Variants in PCDH9 observed in about 807,000 individuals in gnomAD.
PCDH9 encodes protocadherin 9, also known as protocadherin-9.
Under a neutral mutation model 70.6 loss-of-function variants are expected in PCDH9, and 24 were observed. The ratio of observed to expected loss-of-function variants is 0.34; its 90% CI spans 0.25 to 0.48. PCDH9 has a LOEUF of 0.48. Ranked by LOEUF, PCDH9 falls within the 20% of genes least tolerant of loss-of-function variation. The probability of loss-of-function intolerance (pLI) is 0.99; values close to 1 mark genes in which losing one functional copy is unlikely to be tolerated. For synonymous variants in PCDH9, 562 were observed against 558.5 expected, an observed-to-expected ratio of 1.01 and a Z score of -0.09; for missense variants, 1,281 against 1,503.6, an observed-to-expected ratio of 0.85 and a Z score of 2.45.
chr13:66,338,651 GGGGGTGGTTCT>G (rs1956076792), intron 4 of PCDH9, among the ~76,000 whole-genome samples: 1 of 151,214 alleles, frequency 6.6e-6, no homozygotes, highest in South Asian at 2.1e-4. Context: ...TAGAGGGGTG[GGGGGTGGTTCT>G]GTGTGAGAAA....
At chr13:66,478,612 G>A (rs932521538) in intron 4 of PCDH9, among the ~76,000 whole-genome samples, 3 of 152,262 alleles carry the variant, frequency 2.0e-5, no homozygotes, top group African/African-American at 7.2e-5. Context: ...TTAGTTGTCT[G>A]GTTAAAAGAT....
intron 4 of PCDH9, among the ~76,000 whole-genome samples, chr13:66,375,924 TCTC>T (rs1270094872): frequency 6.6e-6 from 1 of 152,050 alleles, no homozygotes; most frequent in African/African-American, 2.4e-5. Flanking sequence ...AGGCTTCAGT[TCTC>T]CTCTGTGAGT....
intron 3 of PCDH9, among the ~76,000 whole-genome samples, chr13:66,896,186 G>C (rs1051494884): frequency 3.9e-5 from 6 of 152,108 alleles, no homozygotes; most frequent in Admixed American, 6.6e-5. Flanking sequence ...AATCTTTATA[G>C]AGTGTTAAGT....
intron 4 of PCDH9, among the ~76,000 whole-genome samples, chr13:66,473,614 A>G (rs187207972): frequency 6.6e-6 from 1 of 152,186 alleles, no homozygotes; most frequent in Non-Finnish European, 1.5e-5. Context: ...ATAAATGACA[A>G]AATTTGAGCC....
chr13:66,770,836 G>A (rs769508990), intron 3 of PCDH9, among the ~76,000 whole-genome samples: 1 of 152,108 alleles, frequency 6.6e-6, no homozygotes, highest in Non-Finnish European at 1.5e-5. Flanking sequence ...GAACACTGAA[G>A]CGAGAGAAGC....
At chr13:66,965,652 T>C (rs1228050766) in intron 2 of PCDH9, among the ~76,000 whole-genome samples, 1 of 152,072 alleles carries the variant, frequency 6.6e-6, no homozygotes, top group Non-Finnish European at 1.5e-5. Context: ...TTATTATTAA[T>C]TGATTGCAGA....
intron 4 of PCDH9, among the ~76,000 whole-genome samples, chr13:66,404,198 T>C (rs1875175612): frequency 6.6e-6 from 1 of 152,186 alleles, no homozygotes. Flanking sequence ...CACTGCTTAC[T>C]CCTGGCTTAA....
chr13:67,082,945 A>G (rs900421036), intron 2 of PCDH9, among the ~76,000 whole-genome samples: 1 of 152,160 alleles, frequency 6.6e-6, no homozygotes, highest in South Asian at 2.1e-4. Context: ...TTCTTTTTAA[A>G]TGAAAACCCA....
In PCDH9 at chr13:66,865,123, C is replaced by A. The variant is rs573338998; in HGVS notation, c.3138+38381G>T. Among the ~76,000 whole-genome samples the A allele has an allele frequency of 3.3e-5, 5 of 152,060 alleles. 1 individual carries two copies. The highest frequency in any genetic ancestry group is 4.1e-4 in the South Asian group (2 of 4,828). On this transcript the variant is annotated intron_variant, in intron 3 of 4. Transcript: ENST00000377865. Reference sequence around the variant, plus strand: ...TTGCTTCATAAAATAAAGTTTTATTCTTTTCCAAAAGATACTGTCTAAATA... The same window carrying A: ...TTGCTTCATAAAATAAAGTTTTATTATTTTCCAAAAGATACTGTCTAAATA...
At chr13:67,129,996 C>T (rs536236323) in intron 2 of PCDH9, among the ~76,000 whole-genome samples, 64 of 152,130 alleles carry the variant, frequency 4.2e-4, no homozygotes, top group African/African-American at 1.4e-3. Context: ...ATATCAAACA[C>T]GATAGCAATA....
intron 3 of PCDH9, among the ~76,000 whole-genome samples, chr13:66,643,848 T>C (rs1349103873): frequency 6.6e-6 from 1 of 151,982 alleles, no homozygotes; most frequent in East Asian, 1.9e-4. Flanking sequence ...ATCTAAAGGA[T>C]ATACACAGAA....
At chr13:66,451,674 G>A (rs1958213655) in intron 4 of PCDH9, among the ~76,000 whole-genome samples, 1 of 152,130 alleles carries the variant, frequency 6.6e-6, no homozygotes, top group Non-Finnish European at 1.5e-5. Context: ...ATTCCCAGAA[G>A]TCACAAAGCT....
chr13:66,463,887 C>T (rs373623428), intron 4 of PCDH9, among the ~76,000 whole-genome samples: 1 of 151,676 alleles, frequency 6.6e-6, no homozygotes, highest in Non-Finnish European at 1.5e-5. Context: ...CATGAATCTA[C>T]ATATGATGCT....
intron 2 of PCDH9, among the ~76,000 whole-genome samples, chr13:66,987,752 T>C (rs2083922319): frequency 6.6e-6 from 1 of 151,986 alleles, no homozygotes; most frequent in South Asian, 2.1e-4. Flanking sequence ...GGAGATATTC[T>C]TATGGTTTTA....
rs2089847735 is a variant in PCDH9 at position 67,225,810 on chromosome 13, G to A, written c.2631C>T (p.Pro877=). Residue 877 remains proline, a synonymous_variant, in exon 2 of 5, where the codon CCC becomes CCT. Coordinates refer to ENST00000377865, the MANE Select transcript of PCDH9 (RefSeq NM_203487.3). ...KKKKRKKRKS[P]KSSLLNFVTI... Reference sequence around the variant, plus strand: ...TAACAAAGTTCAAAAGAGAGCTTTTGGGAGACTTCCTTTTCTTTCTTTTCT... The same window carrying A: ...TAACAAAGTTCAAAAGAGAGCTTTTAGGAGACTTCCTTTTCTTTCTTTTCT... 6.2e-7 allele frequency: 1 copy of A among 1,614,064 alleles called. No individual in the cohort carries two copies. Among genetic ancestry groups the A allele is most frequent in the Non-Finnish European group, 8.5e-7 (1 of 1,179,978 alleles).
intron 3 of PCDH9, among the ~76,000 whole-genome samples, chr13:66,633,695 A>C (rs1192119714): frequency 6.6e-6 from 1 of 152,204 alleles, no homozygotes; most frequent in Non-Finnish European, 1.5e-5. Flanking sequence ...AAAAGCAATG[A>C]AACAAATGAT....
At chr13:66,575,186 C>A (rs992257084) in intron 4 of PCDH9, among the ~76,000 whole-genome samples, 1 of 151,554 alleles carries the variant, frequency 6.6e-6, no homozygotes, top group Non-Finnish European at 1.5e-5. Context: ...AAAAAAAATA[C>A]ATATATATAT....
intron 2 of PCDH9, among the ~76,000 whole-genome samples, chr13:67,170,812 C>T (rs1429298483): frequency 1.3e-5 from 2 of 152,140 alleles, no homozygotes; most frequent in Non-Finnish European, 2.9e-5. Context: ...GTAATCCCAT[C>T]TACTCGGGAG....
intron 2 of PCDH9, among the ~76,000 whole-genome samples, chr13:67,104,758 C>T (rs2086503199): frequency 4.6e-5 from 7 of 152,136 alleles, no homozygotes; most frequent in Admixed American, 4.6e-4. Flanking sequence ...ACCATGTTAA[C>T]CAGGATGGTC....
Sources: gnomAD v4.1 joint callset for allele counts (sites outside exome capture counted in the v4.1 genomes callset) on GRCh38, gnomAD v4.1.1 for gene constraint, MANE v1.5 for transcripts, NCBI Gene and HGNC (gene_info 2026-07-23, HGNC 2026-07-21) for gene names.